Variants in AARS1 observed in about 807,000 individuals in gnomAD.
AARS1 encodes alanyl-tRNA synthetase 1.
Under a neutral mutation model 108.9 loss-of-function variants are expected in AARS1, and 72 were observed. That is an observed-to-expected ratio of 0.66 (90% CI 0.55 to 0.80). The LOEUF is 0.80. AARS1 is among the 30% of genes least tolerant of loss of function. The pLI, the probability that AARS1 is intolerant of heterozygous loss-of-function variation, is 0.00. For synonymous variants in AARS1, 489 were observed against 465.7 expected (o/e 1.05, Z -0.64); for missense variants, 1,193 against 1,233.2 (o/e 0.97, Z 0.49).
Position 70,261,143 on chromosome 16 carries a change from T to A in AARS1, c.1686A>T (p.Thr562=). 1 of 1,613,304 alleles carries A rather than the reference T, an allele frequency of 6.2e-7. No individual in the cohort carries two copies. The highest frequency in any genetic ancestry group is 8.5e-7 in the Non-Finnish European group (1 of 1,179,386). The change falls in exon 13 of 21, where the codon ACA becomes ACT. Residue 562 remains threonine (T), a synonymous_variant. Coordinates refer to ENST00000261772, the MANE Select transcript of AARS1 (RefSeq NM_001605.3). Reference sequence around the variant, plus strand: ...CTCCTCGGACCTGAGCATTCTTCACTGTAAACTCTGTTTTCTAAGAGGGGT... The same window carrying A: ...CTCCTCGGACCTGAGCATTCTTCACAGTAAACTCTGTTTTCTAAGAGGGGT... The part of the protein sequence containing the change: ...DDSSEDKTEF[T]VKNAQVRGGY...
In AARS1 at chr16:70,261,089, G is replaced by A. The variant is rs777419181; in HGVS notation, c.1740C>T (p.Tyr580=). The A allele has an allele frequency of 3.8e-5, 61 of 1,613,662 alleles. No homozygotes were observed. The highest frequency in any genetic ancestry group is 3.3e-4 in the Middle Eastern group (2 of 6,082). The change falls in exon 13 of 21, where the codon TAC becomes TAT. Residue 580 remains tyrosine, a synonymous_variant. Coordinates refer to ENST00000261772, the MANE Select transcript of AARS1 (RefSeq NM_001605.3). ...GGYVLHIGTI[Y]GDLKVGDQVW... ...CCTGATCCCCCACTTTCAGGTCACC[G>A]TAGATGGTTCCAATGTGTAGCACAT... is the stretch of plus-strand genomic sequence containing the variant.
In AARS1 at chr16:70,257,631, C is replaced by G. The variant is rs115307561; in HGVS notation, c.2177+402G>C. On this transcript the variant is annotated intron_variant, in intron 15 of 20. Coordinates refer to ENST00000261772, the MANE Select transcript of AARS1 (RefSeq NM_001605.3). ...GGAGCTACATTCCCCAGATGCCGCC[C>G]AAGCTGTCAAAGGAAATTAGGTGAG... 3.3e-3 allele frequency among the ~76,000 whole-genome samples: 502 copies of G among 152,186 alleles called. 2 individuals are homozygous for G. Among genetic ancestry groups the G allele is most frequent in the African/African-American group, 0.011 (448 of 41,518 alleles).
chr16:70,277,977 A>G (rs981730978), intron 2 of AARS1, among the ~76,000 whole-genome samples: 3 of 151,780 alleles, frequency 2.0e-5, no homozygotes, highest in African/African-American at 2.4e-5. Flanking sequence ...GGTCTCGAAC[A>G]CCTAACCCCA....
rs776471315 is a variant in AARS1, at chr16:70,258,105, G to A, written c.2105C>T (p.Pro702Leu). 33 of 1,613,814 alleles carry A rather than the reference G, an allele frequency of 2.0e-5. No individual in the cohort carries two copies. Among genetic ancestry groups the A allele is most frequent in the African/African-American group, 1.9e-4 (14 of 74,906 alleles). The change falls in exon 15 of 21, where the codon CCG (proline) becomes CTG (leucine). Residue 702 changes from proline to leucine, a missense_variant. Transcript: ENST00000261772. ...DPVRVVSIGV[P>L]VSELLDDPSG... The stretch of plus-strand genomic sequence containing the variant: ...GGGGTCATCCAGCAACTCGGACACC[G>A]GGACCCCAATGGAGACGACTCGCAC...
rs201884424 is a variant in AARS1, at chr16:70,267,824, G to T, written c.1072-15C>A. 6.2e-7 allele frequency: 1 copy of T among 1,614,142 alleles called. No homozygotes were observed. The highest frequency in any genetic ancestry group is 2.2e-5 in the East Asian group (1 of 44,886). ...AATGCATCTCCCTGACAAAGGGGAA[G>T]CAAGATGAGGGGCTGGATGAAGCCA... On this transcript the variant is annotated splice_polypyrimidine_tract_variant and intron_variant, in intron 8 of 20. Coordinates refer to ENST00000261772, the MANE Select transcript of AARS1 (RefSeq NM_001605.3).
chr16:70,268,761 A>G (rs1404831475), intron 7 of AARS1, among the ~76,000 whole-genome samples: 2 of 152,158 alleles, frequency 1.3e-5, no homozygotes, highest in Non-Finnish European at 2.9e-5. Flanking sequence ...GCAACTTTGA[A>G]TACAATCCTT....
intron 11 of AARS1, among the ~76,000 whole-genome samples, chr16:70,262,967 C>CAAAAA (rs57444625): frequency 0.057 from 1,180 of 20,606 alleles, 317 homozygotes; most frequent in East Asian, 0.098. Flanking sequence ...GACTCGGTCT[C>CAAAAA]AAAAAAAAAA....
At chr16:70,278,179 G>C (rs1007853237) in intron 2 of AARS1, among the ~76,000 whole-genome samples, 1 of 151,990 alleles carries the variant, frequency 6.6e-6, no homozygotes, top group Admixed American at 6.6e-5. Context: ...CAGAGTTCAA[G>C]ACCAGCCTGG....
intron 5 of AARS1, 37 bp downstream of exon 5, chr16:70,271,744 G>A (rs762891886): frequency 2.2e-5 from 36 of 1,604,882 alleles, no homozygotes; most frequent in Non-Finnish European, 3.1e-5. Flanking sequence ...CCCCTGCTCA[G>A]CTCAAGGAAA....
Position 70,252,917 on chromosome 16 carries a change from G to C in AARS1, c.2722-11C>G. 1 of 1,613,956 alleles carries C rather than the reference G, an allele frequency of 6.2e-7. No individual in the cohort carries two copies. The highest frequency in any genetic ancestry group is 8.5e-7 in the Non-Finnish European group (1 of 1,179,924). ...CCGATTGGCTGCATTCTAGAAGACA[G>C]GAAGGGAAGGGGGAGTCAGCACAGA... On this transcript the variant is annotated splice_polypyrimidine_tract_variant and intron_variant, in intron 20 of 20. Coordinates refer to ENST00000261772, the MANE Select transcript of AARS1 (RefSeq NM_001605.3).
intron 12 of AARS1, 103 bp from the exon 13 acceptor site, chr16:70,261,260 T>C (rs1475356838): frequency 1.1e-5 from 9 of 790,832 alleles, no homozygotes; most frequent in Non-Finnish European, 1.9e-5. Flanking sequence ...TCTTTACATA[T>C]GTAAATTGCA....
intron 4 of AARS1, 37 bp downstream of exon 4, chr16:70,276,449 C>A: frequency 6.2e-7 from 1 of 1,611,872 alleles, no homozygotes; most frequent in Non-Finnish European, 8.5e-7. Flanking sequence ...TGTCATTTCA[C>A]TCCTCCATAC....
chr16:70,257,779 C>G (rs1050397468), intron 15 of AARS1, among the ~76,000 whole-genome samples: 1 of 152,220 alleles, frequency 6.6e-6, no homozygotes, highest in African/African-American at 2.4e-5. Flanking sequence ...CAGCAAGCAA[C>G]TGTGTGGTAA....
At chr16:70,255,265 T>C (rs1420054052) in intron 16 of AARS1, among the ~76,000 whole-genome samples, 5 of 144,696 alleles carry the variant, frequency 3.5e-5, no homozygotes, top group Admixed American at 1.4e-4. Flanking sequence ...AGTGGTGCGA[T>C]CTCGGCTCAC....
At chr16:70,272,889 G>GAGACACACACACACACAC (rs1032444832) in intron 4 of AARS1, among the ~76,000 whole-genome samples, 2 of 140,280 alleles carry the variant, frequency 1.4e-5, no homozygotes, top group African/African-American at 5.6e-5. Flanking sequence ...CAGCCTGGGT[G>GAGACACACACACACACAC]ACACACACAC....
rs1301063713 is a variant in AARS1 at position 70,261,073 on chromosome 16, C to G, written c.1756G>C (p.Gly586Arg). The part of the protein sequence containing the change: ...IGTIYGDLKV[G>R]DQVWLFIDEP... ...TCAATAAACAGCCAGACCTGATCCC[C>G]CACTTTCAGGTCACCGTAGATGGTT... Residue 586 changes from glycine to arginine, a missense_variant, in exon 13 of 21, where the codon GGG (glycine) becomes CGG (arginine). By Grantham distance (125) the Gly-to-Arg change is moderately radical (BLOSUM62 -2). Transcript: ENST00000261772. The G allele has an allele frequency of 6.2e-7, 1 of 1,613,730 alleles. No individual in the cohort carries two copies. The highest frequency in any genetic ancestry group is 1.1e-5 in the South Asian group (1 of 91,072).
At position 70,279,090 on chromosome 16, in the gene AARS1, G is replaced by A. The variant is rs572995884; in HGVS notation, c.145-1936C>T. ...TACAAGGCCGGGCGTGGTGGCTCAC[G>A]CCTGTAATCCCAGCACTTTGTGGGG... On this transcript the variant is annotated intron_variant, in intron 2 of 20. Transcript: ENST00000261772. Among the ~76,000 whole-genome samples, 4 of 151,882 alleles carry A rather than the reference G, an allele frequency of 2.6e-5. No individual in the cohort carries two copies. In the South Asian group the frequency reaches 8.3e-4, roughly 32 times the overall value.
intron 9 of AARS1, 131 bp downstream of exon 9, chr16:70,267,528 C>A: frequency 8.5e-7 from 1 of 1,181,894 alleles, no homozygotes; most frequent in Non-Finnish European, 1.2e-6. Flanking sequence ...CAGTTTGCAC[C>A]AAAAGCAATT....
chr16:70,252,774 G>T lies in AARS1; in HGVS notation c.2854C>A (p.Leu952Met). The change falls in exon 21 of 21, where the codon CTG (leucine) becomes ATG (methionine). Residue 952 changes from leucine to methionine, a missense_variant. Leu to Met is a conservative substitution (Grantham distance 15). Transcript: ENST00000261772. The stretch of plus-strand genomic sequence containing the variant: ...TGGGCGAAGGAAGTGGCCAGCTGCA[G>T]CGCCTCCTGCAGGCAGCCAACGTTC... Reference protein sequence around the residue: ...GKNVGCLQEALQLATSFAQLR... With the variant: ...GKNVGCLQEAMQLATSFAQLR... 1 of 1,614,222 alleles carries T rather than the reference G, an allele frequency of 6.2e-7. No individual in the cohort carries two copies. Among genetic ancestry groups the T allele is most frequent in the Non-Finnish European group, 8.5e-7 (1 of 1,180,046 alleles).
Sources: gnomAD v4.1 joint callset for allele counts (sites outside exome capture counted in the v4.1 genomes callset) on GRCh38, gnomAD v4.1.1 for gene constraint, MANE v1.5 for transcripts, NCBI Gene and HGNC (gene_info 2026-07-23, HGNC 2026-07-21) for gene names.